The following RNF141 variants were observed in gnomAD, a reference collection of about 807,000 sequenced individuals.
RNF141 encodes the protein C3HC4-like zinc finger protein.
In RNF141, 18 loss-of-function variants were observed where a neutral mutation model predicts 27.4. The observed-to-expected ratio is 0.66, with a 90% CI of 0.45 to 0.97. The LOEUF (loss-of-function observed/expected upper bound fraction) is 0.97, where lower values mean the gene tolerates loss of function less well. Among genes scored for constraint, RNF141 ranks in the 50% least tolerant of loss-of-function variants. The pLI, the probability that RNF141 is intolerant of heterozygous loss-of-function variation, is 0.00. For synonymous variants in RNF141, 97 were observed against 96.6 expected (o/e 1.00, Z -0.02); for missense variants, 230 against 279.4 (o/e 0.82, Z 1.26).
chr11:10,522,684 T>C (rs906266814), intron 4 of RNF141, among the ~76,000 whole-genome samples: 1 of 152,204 alleles, frequency 6.6e-6, no homozygotes, highest in African/African-American at 2.4e-5. Context: ...ACAGATTTGT[T>C]TGGAGGAATT....
intron 2 of RNF141, among the ~76,000 whole-genome samples, chr11:10,533,453 T>C (rs761460975): frequency 1.3e-5 from 2 of 152,098 alleles, no homozygotes; most frequent in African/African-American, 4.8e-5. Context: ...AAAATATGAA[T>C]AAATGAAATA....
In RNF141 at chr11:10,515,918, T is replaced by G. The variant is rs551559633; in HGVS notation, c.543-852A>C. The G allele has an allele frequency of 5.4e-4, 83 of 152,360 alleles. No individual in the cohort carries two copies. The Middle Eastern group carries it at 0.014, about 25-fold the overall frequency. 9.4% of individuals were successfully genotyped at this position (152,360 alleles called of 1,614,324 possible). A position where few individuals can be genotyped will look rare whatever the true frequency, so the allele number is the denominator to read the frequency against. ...TCATATATGATCACTTAAATAAGAT[T>G]ATGTTTTCGAAAAGGATTTTTTTCT... On this transcript the variant is annotated intron_variant, in intron 5 of 5. Coordinates refer to ENST00000265981, the MANE Select transcript of RNF141 (RefSeq NM_016422.4).
At chr11:10,522,331 A>C (rs1478642339) in intron 4 of RNF141, among the ~76,000 whole-genome samples, 1 of 152,200 alleles carries the variant, frequency 6.6e-6, no homozygotes, top group African/African-American at 2.4e-5. Flanking sequence ...CATTGTGGAG[A>C]GAGATAAAAG....
At chr11:10,517,784 G>A (rs554625338) in intron 5 of RNF141, 3 of 152,068 alleles carry the variant, frequency 2.0e-5, no homozygotes, top group East Asian at 3.9e-4. Flanking sequence ...AATGATATTC[G>A]GACATTCAAG....
intron 3 of RNF141, among the ~76,000 whole-genome samples, chr11:10,530,326 G>A (rs1345613421): frequency 6.6e-6 from 1 of 151,920 alleles, no homozygotes; most frequent in Non-Finnish European, 1.5e-5. Flanking sequence ...TATCATCTTA[G>A]AGCTAAATAG....
At chr11:10,537,609 C>A (rs139348520) in intron 1 of RNF141, among the ~76,000 whole-genome samples, 2 of 152,046 alleles carry the variant, frequency 1.3e-5, no homozygotes, top group Non-Finnish European at 2.9e-5. Flanking sequence ...GAGAAAAACA[C>A]ACAAATTTTA....
intron 1 of RNF141, among the ~76,000 whole-genome samples, chr11:10,534,963 C>G (rs1489166265): frequency 6.6e-6 from 1 of 151,852 alleles, no homozygotes; most frequent in Non-Finnish European, 1.5e-5. Flanking sequence ...CATTTTCTGC[C>G]TGGAAAAAGA....
chr11:10,532,496 TACACACAC>T (rs10559393), intron 2 of RNF141, among the ~76,000 whole-genome samples: 14,068 of 131,154 alleles, frequency 0.11, 743 homozygotes, highest in Middle Eastern at 0.18. Flanking sequence ...GTTCATTTTC[TACACACAC>T]ACACACACAC....
At position 10,519,135 on chromosome 11, in the gene RNF141, C is replaced by T. The variant is rs376226428; in HGVS notation, c.441G>A (p.Lys147=). The change falls in exon 5 of 6, where the codon AAG becomes AAA. Residue 147 remains lysine (K), a synonymous_variant. Transcript: ENST00000265981. ...AACACTCCTCCTCATCGGTCAGCTG[C>T]TTCACCCTGCAATGTGAAAACTGAG... is the stretch of plus-strand genomic sequence containing the variant. ...CQASLWMGRV[K]QLTDEEECCI... The T allele has an allele frequency of 1.2e-6, 2 of 1,613,192 alleles. No homozygotes were observed. The highest frequency in any genetic ancestry group is 1.3e-5 in the African/African-American group (1 of 74,902).
At chr11:10,532,854 T>C (rs575811771) in intron 2 of RNF141, among the ~76,000 whole-genome samples, 33 of 152,330 alleles carry the variant, frequency 2.2e-4, no homozygotes, top group African/African-American at 7.9e-4. Context: ...TGCTAGTCGA[T>C]TTCATTCAGC....
At chr11:10,525,081 GAAAAA>G in intron 4 of RNF141, 106 bp downstream of exon 4, 1 of 522,180 alleles carries the variant, frequency 1.9e-6, no homozygotes, top group African/African-American at 2.0e-5. Flanking sequence ...TACCAACTGA[GAAAAA>G]AAAAAGATTT....
At chr11:10,535,208 A>C (rs1850023262) in intron 1 of RNF141, among the ~76,000 whole-genome samples, 1 of 151,960 alleles carries the variant, frequency 6.6e-6, no homozygotes, top group Admixed American at 6.5e-5. Flanking sequence ...TTAATCAAAA[A>C]ATAAAGCTAT....
At chr11:10,520,513 T>C (rs1849880066) in intron 4 of RNF141, among the ~76,000 whole-genome samples, 1 of 152,204 alleles carries the variant, frequency 6.6e-6, no homozygotes, top group African/African-American at 2.4e-5. Flanking sequence ...TCATCTCCTT[T>C]GATAACAATG....
Position 10,520,177 on chromosome 11 carries a change from AAAT to A in RNF141, c.435-1039_435-1037del, listed in dbSNP as rs1348477118. On this transcript the variant is annotated intron_variant, in intron 4 of 5. Coordinates refer to ENST00000265981, the MANE Select transcript of RNF141 (RefSeq NM_016422.4). ...ATTTAGGCTATACGAAATTTATAAA[AAAT>A]ATATTTCTTCAATGATAAATTAATC... Among the ~76,000 whole-genome samples the A allele has an allele frequency of 2.0e-5, 3 of 152,316 alleles. No homozygotes were observed. In the East Asian group the frequency reaches 5.8e-4, roughly 29 times the overall value.
Position 10,513,237 on chromosome 11 carries a change from G to A in RNF141, c.*1679C>T, listed in dbSNP as rs1423595784. The A allele has an allele frequency of 3.3e-5, 5 of 152,166 alleles. No homozygotes were observed. Among genetic ancestry groups the A allele is most frequent in the African/African-American group, 4.8e-5 (2 of 41,446 alleles). The allele number at this position is 152,166 out of a possible 1,614,324, so 9.4% of individuals were successfully genotyped here. A position where few individuals can be genotyped will look rare whatever the true frequency, so the allele number is the denominator to read the frequency against. On this transcript the variant is annotated 3_prime_UTR_variant, in exon 6 of 6. Transcript: ENST00000265981. ...ATTAGTCTTCAGTATTTTTGGGGGC[G>A]AAATCAAGCTACCCCTGGCCAGATG...
intron 4 of RNF141, among the ~76,000 whole-genome samples, chr11:10,521,797 A>G (rs1447682713): frequency 6.6e-6 from 1 of 152,248 alleles, no homozygotes; most frequent in Non-Finnish European, 1.5e-5. Flanking sequence ...ATGTCTGTGT[A>G]TATGTAACCA....
chr11:10,539,437 C>A (rs1451859531), intron 1 of RNF141, among the ~76,000 whole-genome samples: 1 of 151,708 alleles, frequency 6.6e-6, no homozygotes, highest in Non-Finnish European at 1.5e-5. Context: ...TTGAAATAAA[C>A]ATCAATGATT....
In RNF141 at chr11:10,530,641, A is replaced by G; in HGVS notation, c.252+2T>C. 6.4e-7 allele frequency: 1 copy of G among 1,566,344 alleles called. No individual in the cohort carries two copies. The highest frequency in any genetic ancestry group is 8.7e-7 in the Non-Finnish European group (1 of 1,144,636). ...AGAGGTAGAAGTCTCCATCAGTCTC[A>G]CCTTGGTACAGACCACCCGTACAAC... On this transcript the variant is annotated splice_donor_variant, in intron 3 of 5. Coordinates refer to ENST00000265981, the MANE Select transcript of RNF141 (RefSeq NM_016422.4). LOFTEE classifies it high-confidence loss of function.
At chr11:10,532,161 C>T (rs1744569602) in intron 2 of RNF141, 1 of 230,250 alleles carries the variant, frequency 4.3e-6, no homozygotes. Context: ...ATATAAATTC[C>T]AAGACTCTAA....
Sources: gnomAD v4.1 joint callset for allele counts (sites outside exome capture counted in the v4.1 genomes callset) on GRCh38, gnomAD v4.1.1 for gene constraint, MANE v1.5 for transcripts, NCBI Gene and HGNC (gene_info 2026-07-23, HGNC 2026-07-21) for gene names.